MTOR: variants seen among roughly 807,000 people sequenced by gnomAD.
MTOR encodes mechanistic target of rapamycin kinase.
MTOR carries 70 observed loss-of-function variants against 319.8 expected under a neutral mutation model. That is an observed-to-expected ratio of 0.22 (90% CI 0.18 to 0.27). The LOEUF is 0.27. Among genes scored for constraint, MTOR ranks in the 10% least tolerant of loss-of-function variants. MTOR has a pLI of 1.00. For synonymous variants in MTOR, 1,183 were observed against 1,211.4 expected (o/e 0.98, Z 0.49); for missense variants, 1,890 against 3,274.4 (o/e 0.58, Z 10.32).
intron 25 of MTOR, 133 bp from the exon 26 acceptor site, chr1:11,204,836 A>G (rs2100766047): frequency 9.5e-7 from 1 of 1,052,690 alleles, no homozygotes; most frequent in Non-Finnish European, 1.4e-6. Context: ...CCCCTAGAGT[A>G]CAAATACAAA....
At chr1:11,208,875 C>A (rs1646222968) in intron 25 of MTOR, among the ~76,000 whole-genome samples, 1 of 152,202 alleles carries the variant, frequency 6.6e-6, no homozygotes, top group South Asian at 2.1e-4. Flanking sequence ...TGCAGAATAT[C>A]AGGCCCCAAA....
intron 30 of MTOR, among the ~76,000 whole-genome samples, chr1:11,154,112 T>C (rs1049501442): frequency 1.7e-5 from 2 of 121,004 alleles, no homozygotes; most frequent in Non-Finnish European, 3.3e-5. Flanking sequence ...AAGCCACATG[T>C]GGCTAGAGGC....
chr1:11,173,691 A>C (rs1644896722), intron 28 of MTOR, among the ~76,000 whole-genome samples: 1 of 152,164 alleles, frequency 6.6e-6, no homozygotes, highest in Non-Finnish European at 1.5e-5. Flanking sequence ...AATTTCCTAC[A>C]GGACTTTCTC....
intron 54 of MTOR, among the ~76,000 whole-genome samples, chr1:11,110,521 C>T (rs950855693): frequency 1.3e-5 from 2 of 151,880 alleles, no homozygotes; most frequent in East Asian, 1.9e-4. Context: ...TCCTGCCTCC[C>T]GAGTAGCTGG....
intron 1 of MTOR, among the ~76,000 whole-genome samples, chr1:11,261,338 G>A (rs965822637): frequency 1.3e-5 from 2 of 151,742 alleles, no homozygotes; most frequent in Non-Finnish European, 2.9e-5. Flanking sequence ...GCCGTATGGT[G>A]GCGGGCGCCT....
At chr1:11,219,287 G>A (rs1490363253) in intron 19 of MTOR, among the ~76,000 whole-genome samples, 1 of 151,544 alleles carries the variant, frequency 6.6e-6, no homozygotes, top group East Asian at 1.9e-4. Context: ...GAGAAATGGT[G>A]AGTTAAAAAA....
intron 28 of MTOR, among the ~76,000 whole-genome samples, chr1:11,185,268 A>G (rs1171324683): frequency 6.7e-6 from 1 of 148,430 alleles, no homozygotes; most frequent in Non-Finnish European, 1.5e-5. Context: ...TTTTTTTACT[A>G]TATTCCATAA....
Position 11,188,211 on chromosome 1 carries a change from T to G in MTOR, c.4253+11047A>C, listed in dbSNP as rs1421886272. On this transcript the variant is annotated intron_variant, in intron 28 of 57. Transcript: ENST00000361445. ...TCGTATGTTCCAAAGACAGAGTTACTGTTTTAAGGACAGAGGAACCTTTGT... is the reference window on the plus strand; with the variant it reads ...TCGTATGTTCCAAAGACAGAGTTACGGTTTTAAGGACAGAGGAACCTTTGT... Among the ~76,000 whole-genome samples, 5 of 152,342 alleles carry G rather than the reference T, an allele frequency of 3.3e-5. No homozygotes were observed. In the East Asian group the frequency reaches 9.6e-4, roughly 29 times the overall value.
chr1:11,141,532 C>T (rs1343667962), intron 34 of MTOR, among the ~76,000 whole-genome samples: 1 of 151,956 alleles, frequency 6.6e-6, no homozygotes, highest in East Asian at 1.9e-4. Flanking sequence ...CCATGCCTGG[C>T]TAATTTTTGT....
chr1:11,140,213 G>C (rs759933132), intron 34 of MTOR, among the ~76,000 whole-genome samples: 3 of 151,270 alleles, frequency 2.0e-5, no homozygotes. Context: ...AGCTTTCTCA[G>C]GTTAAGGGTA....
At chr1:11,246,562 G>T (rs1004000886) in intron 8 of MTOR, among the ~76,000 whole-genome samples, 1 of 151,714 alleles carries the variant, frequency 6.6e-6, no homozygotes, top group Non-Finnish European at 1.5e-5. Flanking sequence ...TTCGAACAGC[G>T]TGTTTAACAC....
chr1:11,256,198 G>GAAA lies in MTOR; in HGVS notation c.505-9_505-7dup, dbSNP rs750955155. 1.2e-5 allele frequency: 20 copies of GAAA among 1,611,922 alleles called. No homozygotes were observed. The African/African-American group carries it at 2.0e-4, about 16-fold the overall frequency. ...AGCTCACGGAGAACCAGGACCTGGA[G>GAAA]AAAAAAGCAAACCGAGAACTCTCAT... On this transcript the variant is annotated splice_region_variant and splice_polypyrimidine_tract_variant and intron_variant, in intron 4 of 57. Coordinates refer to ENST00000361445, the MANE Select transcript of MTOR (RefSeq NM_004958.4).
At position 11,189,701 on chromosome 1, in the gene MTOR, A is replaced by G. The variant is rs772605164; in HGVS notation, c.4253+9557T>C. 1.2e-5 allele frequency: 20 copies of G among 1,614,060 alleles called. No individual in the cohort carries two copies. Among genetic ancestry groups the G allele is most frequent in the Non-Finnish European group, 1.5e-5 (18 of 1,180,034 alleles). On this transcript the variant is annotated intron_variant, in intron 28 of 57. Transcript: ENST00000361445. ...AAGACACCAGCACAGCCACAGCTCA[A>G]AGCGGCCAACTGCTGTGAGGAGGTG... is the stretch of plus-strand genomic sequence containing the variant.
intron 23 of MTOR, among the ~76,000 whole-genome samples, chr1:11,211,635 G>A (rs1478145238): frequency 6.6e-6 from 1 of 152,118 alleles, no homozygotes. Flanking sequence ...CCAAGTTGCT[G>A]GAATTACGGG....
intron 28 of MTOR, chr1:11,194,526 C>T (rs751094195): frequency 1.1e-5 from 17 of 1,614,024 alleles, no homozygotes; most frequent in Admixed American, 1.7e-5. Flanking sequence ...AACTCAACAG[C>T]TATCGCCTCT....
chr1:11,213,258 G>T, intron 21 of MTOR, 141 bp downstream of exon 21: 1 of 795,812 alleles, frequency 1.3e-6, no homozygotes, highest in Non-Finnish European at 2.0e-6. Context: ...TGCACACATT[G>T]GGTATTAGTA....
In MTOR at chr1:11,204,692, A is replaced by G; in HGVS notation, c.3813T>C (p.Ala1271=). ...STINLQKAWG[A]ARRVSKDDWL... ...AGTCATCTTTGGAGACCCTCCTGGC[A>G]GCGCCCCAGGCCTGTGATCCCACAG... The change falls in exon 26 of 58, where the codon GCT becomes GCC. Residue 1271 remains alanine, a synonymous_variant. Transcript: ENST00000361445. 1 of 1,614,148 alleles carries G rather than the reference A, an allele frequency of 6.2e-7. No homozygotes were observed. Among genetic ancestry groups the G allele is most frequent in the Non-Finnish European group, 8.5e-7 (1 of 1,180,002 alleles).
At chr1:11,253,212 G>C (rs954851332) in intron 6 of MTOR, among the ~76,000 whole-genome samples, 2 of 152,034 alleles carry the variant, frequency 1.3e-5, no homozygotes, top group African/African-American at 2.4e-5. Context: ...CTTGAAGGCT[G>C]TTTCCCTAAT....
At chr1:11,211,494 A>G (rs1423016190) in intron 23 of MTOR, among the ~76,000 whole-genome samples, 2 of 152,152 alleles carry the variant, frequency 1.3e-5, no homozygotes, top group Non-Finnish European at 2.9e-5. Context: ...TAGCCTCCTG[A>G]GTAGCTGGGA....
Sources: gnomAD v4.1 joint callset for allele counts (sites outside exome capture counted in the v4.1 genomes callset) on GRCh38, gnomAD v4.1.1 for gene constraint, MANE v1.5 for transcripts, NCBI Gene and HGNC (gene_info 2026-07-23, HGNC 2026-07-21) for gene names.